UGT2A1: variants seen among roughly 807,000 people sequenced by gnomAD.
UGT2A1 encodes the protein UDP glucuronosyltransferase family 2 member A1 complex locus, also known as UDP-glucuronosyltransferase 2A1.
Under a neutral mutation model 45.4 loss-of-function variants are expected in UGT2A1, and 61 were observed. That is an observed-to-expected ratio of 1.34 (90% CI 1.09 to 1.66). The LOEUF (loss-of-function observed/expected upper bound fraction) is 1.66. Ranked by LOEUF, UGT2A1 falls within the 40% of genes most tolerant of loss-of-function variation. The probability of loss-of-function intolerance (pLI) is 0.00; values close to 1 mark genes in which losing one functional copy is unlikely to be tolerated. For missense variants in UGT2A1, 649 were observed against 574.3 expected, an observed-to-expected ratio of 1.13 and a Z score of -1.33; for synonymous variants, 229 against 196.2, an observed-to-expected ratio of 1.17 and a Z score of -1.40.
At chr4:69,621,984 C>G (rs1720782106) in intron 3 of UGT2A1, among the ~76,000 whole-genome samples, 1 of 151,512 alleles carries the variant, frequency 6.6e-6, no homozygotes, top group Non-Finnish European at 1.5e-5. Flanking sequence ...AACAGGGGAA[C>G]AAGAGACAGT....
At chr4:69,608,091 A>G (rs1196095171) in intron 3 of UGT2A1, among the ~76,000 whole-genome samples, 1 of 152,194 alleles carries the variant, frequency 6.6e-6, no homozygotes. Context: ...AAGGATCATA[A>G]ATCATTCTGC....
At chr4:69,612,569 A>G (rs1720127625) in intron 3 of UGT2A1, among the ~76,000 whole-genome samples, 1 of 152,062 alleles carries the variant, frequency 6.6e-6, no homozygotes, top group Non-Finnish European at 1.5e-5. Context: ...AAAACTCATT[A>G]ATAAAGCCAC....
At chr4:69,605,612 T>TA (rs1445425827) in intron 3 of UGT2A1, among the ~76,000 whole-genome samples, 6 of 135,780 alleles carry the variant, frequency 4.4e-5, no homozygotes, top group East Asian at 2.1e-4. Flanking sequence ...AAAAACCCTT[T>TA]AAAAAATCAA....
chr4:69,607,582 A>G (rs1040866681), intron 3 of UGT2A1, among the ~76,000 whole-genome samples: 2 of 152,122 alleles, frequency 1.3e-5, no homozygotes, highest in Admixed American at 6.6e-5. Context: ...ATCTAATTAA[A>G]CTAAAGAGCT....
intron 4 of UGT2A1, among the ~76,000 whole-genome samples, chr4:69,598,182 C>A (rs1056515337): frequency 6.6e-6 from 1 of 152,032 alleles, no homozygotes; most frequent in Non-Finnish European, 1.5e-5. Flanking sequence ...CCAGAAAATC[C>A]TGAAATAAAA....
chr4:69,595,184 CCAAT>C lies in UGT2A1; in HGVS notation c.1058_1061del (p.Asp353GlyfsTer51). 1 of 1,613,794 alleles carries C rather than the reference CCAAT, an allele frequency of 6.2e-7. No individual in the cohort carries two copies. The highest frequency in any genetic ancestry group is 8.5e-7 in the Non-Finnish European group (1 of 1,179,862). On this transcript the variant is annotated frameshift_variant, in exon 5 of 7. Transcript: ENST00000286604. LOFTEE classifies it high-confidence loss of function. ...TACCAAGAAGATCATTCTGGGGTAT[CCAAT>C]CAAAGAGCTGAGTATTGTTTCCTAA...
At position 69,651,794 on chromosome 4, in the gene UGT2A1, T is replaced by C. The variant is rs115780399; in HGVS notation, c.-55+1394A>G. ...GAAGTGTGACCATCCAAGGACACTTTACCAAAAAAGGGAAGAAAGCCTCAG... is the reference window on the plus strand; with the variant it reads ...GAAGTGTGACCATCCAAGGACACTTCACCAAAAAAGGGAAGAAAGCCTCAG... On this transcript the variant is annotated intron_variant, in intron 1 of 6. Coordinates refer to ENST00000286604, the MANE Select transcript of UGT2A1 (RefSeq NM_001252275.3). Among the ~76,000 whole-genome samples, 679 of 152,300 alleles carry C rather than the reference T, an allele frequency of 4.5e-3. 5 individuals are homozygous for C. The highest frequency in any genetic ancestry group is 0.014 in the African/African-American group (572 of 41,556).
At position 69,611,979 on chromosome 4, in the gene UGT2A1, G is replaced by C. The variant is rs1415259131; in HGVS notation, c.848-12585C>G. 2.0e-5 allele frequency among the ~76,000 whole-genome samples: 3 copies of C among 151,974 alleles called. No homozygotes were observed. In the East Asian group the frequency reaches 5.8e-4, roughly 30 times the overall value. On this transcript the variant is annotated intron_variant, in intron 3 of 6. Coordinates refer to ENST00000286604, the MANE Select transcript of UGT2A1 (RefSeq NM_001252275.3). ...CAAGAAAAATTTCCTCTGTTGACTT[G>C]TCCCTGTGTGGAAGAAAAATATATT...
At chr4:69,616,343 A>G (rs548040983) in intron 3 of UGT2A1, among the ~76,000 whole-genome samples, 1 of 152,090 alleles carries the variant, frequency 6.6e-6, no homozygotes, top group African/African-American at 2.4e-5. Context: ...TATAGTTAAT[A>G]ATAATTTGTG....
intron 2 of UGT2A1, among the ~76,000 whole-genome samples, chr4:69,638,011 GGAAGGAAGGAAA>G (rs1049748687): frequency 6.7e-6 from 1 of 148,554 alleles, no homozygotes; most frequent in Non-Finnish European, 1.5e-5. Context: ...AAGGAAGGAA[GGAAGGAAGGAAA>G]GAAGGAAGGA....
intron 1 of UGT2A1, among the ~76,000 whole-genome samples, chr4:69,648,232 A>G (rs185988331): frequency 6.7e-6 from 1 of 149,704 alleles, no homozygotes; most frequent in Non-Finnish European, 1.5e-5. Context: ...AATAATACTT[A>G]TAAATAATAT....
At position 69,643,756 on chromosome 4, in the gene UGT2A1, T is replaced by A. The variant is rs573083925; in HGVS notation, c.715+3174A>T. Among the ~76,000 whole-genome samples, 13 of 151,808 alleles carry A rather than the reference T, an allele frequency of 8.6e-5. No individual in the cohort carries two copies. The South Asian group carries it at 1.7e-3, about 19-fold the overall frequency. ...AAGTAAACTTAGGGAGTTGTTCTATTTATTTACTCAGGTGAGGCTGTTCGA... is the reference window on the plus strand; with the variant it reads ...AAGTAAACTTAGGGAGTTGTTCTATATATTTACTCAGGTGAGGCTGTTCGA... On this transcript the variant is annotated intron_variant, in intron 2 of 6. Transcript: ENST00000286604.
At chr4:69,590,768 T>G (rs1216457620) in intron 6 of UGT2A1, among the ~76,000 whole-genome samples, 1 of 152,026 alleles carries the variant, frequency 6.6e-6, no homozygotes, top group African/African-American at 2.4e-5. Context: ...AATCAAAAAA[T>G]AAGAAGAAGA....
chr4:69,599,199 G>A (rs777527649), intron 4 of UGT2A1, 47 bp downstream of exon 4: 1 of 1,549,292 alleles, frequency 6.5e-7, no homozygotes, highest in African/African-American at 1.4e-5. Context: ...AGAAAATTAA[G>A]TATTTTATTA....
At chr4:69,607,218 G>GCATGGTACTGGTACCAAAACAC (rs1553904403) in intron 3 of UGT2A1, among the ~76,000 whole-genome samples, 1 of 150,076 alleles carries the variant, frequency 6.7e-6, no homozygotes, top group Non-Finnish European at 1.5e-5. Context: ...TACCAAAACA[G>GCATGGTACTGGTACCAAAACAC]AGATAAAGAC....
chr4:69,633,204 A>C (rs1415741618), intron 3 of UGT2A1, among the ~76,000 whole-genome samples: 1 of 152,188 alleles, frequency 6.6e-6, no homozygotes, highest in African/African-American at 2.4e-5. Context: ...ATTTGATGAA[A>C]GAAATCATAC....
At position 69,647,799 on chromosome 4, in the gene UGT2A1, G is replaced by A. The variant is rs1278079449; in HGVS notation, c.-54-101C>T. 3 of 507,796 alleles carry A rather than the reference G, an allele frequency of 5.9e-6. No homozygotes were observed. The African/African-American group carries it at 6.0e-5, about 10-fold the overall frequency. The allele number at this position is 507,796 out of a possible 1,614,324, so 31.5% of individuals were successfully genotyped here. ...TTTCTAGAAAGTGATACTAGTCATA[G>A]TAGCTCCATATTTTAGGATATTTAC... On this transcript the variant is annotated intron_variant, in intron 1 of 6. Transcript: ENST00000286604.
intron 6 of UGT2A1, among the ~76,000 whole-genome samples, chr4:69,590,910 A>G (rs1718561562): frequency 6.6e-6 from 1 of 152,224 alleles, no homozygotes; most frequent in Non-Finnish European, 1.5e-5. Context: ...ACAATGGTCT[A>G]TTCAAATGTA....
chr4:69,645,207 G>T (rs910025787), intron 2 of UGT2A1, among the ~76,000 whole-genome samples: 11 of 151,622 alleles, frequency 7.3e-5, no homozygotes, highest in Non-Finnish European at 1.6e-4. Context: ...TAACCCATGA[G>T]ATTACCTCTG....
Sources: gnomAD v4.1 joint callset for allele counts (sites outside exome capture counted in the v4.1 genomes callset) on GRCh38, gnomAD v4.1.1 for gene constraint, MANE v1.5 for transcripts, NCBI Gene and HGNC (gene_info 2026-07-23, HGNC 2026-07-21) for gene names.